PTPRD: variants seen among roughly 807,000 people sequenced by gnomAD.
The protein encoded by PTPRD is protein tyrosine phosphatase receptor type D.
PTPRD carries 34 observed loss-of-function variants against 214.5 expected under a neutral mutation model. The observed-to-expected ratio is 0.16, with a 90% CI of 0.12 to 0.21. The LOEUF (loss-of-function observed/expected upper bound fraction) is 0.21. Among genes scored for constraint, PTPRD ranks in the 10% least tolerant of loss-of-function variants. PTPRD has a pLI of 1.00. For synonymous variants in PTPRD, 1,128 were observed against 845.7 expected (o/e 1.33, Z -5.79); for missense variants, 2,545 against 2,398.7 (o/e 1.06, Z -1.27).
chr9:9,821,104 A>C (rs890991592), intron 5 of PTPRD, among the ~76,000 whole-genome samples: 1 of 152,172 alleles, frequency 6.6e-6, no homozygotes, highest in Non-Finnish European at 1.5e-5. Context: ...ATTTCAATCC[A>C]TGAGCATAAA....
chr9:8,742,936 C>CCATG (rs2092256464), intron 11 of PTPRD, among the ~76,000 whole-genome samples: 1 of 152,028 alleles, frequency 6.6e-6, no homozygotes, highest in Non-Finnish European at 1.5e-5. Context: ...GAAGGGTGAC[C>CCATG]CATGGCACCT....
chr9:10,324,105 C>T (rs1340065221), intron 3 of PTPRD, among the ~76,000 whole-genome samples: 2 of 152,016 alleles, frequency 1.3e-5, no homozygotes, highest in Non-Finnish European at 2.9e-5. Context: ...ATTATAATGT[C>T]TCTCCTCTCA....
chr9:10,086,823 T>G (rs2098346653), intron 3 of PTPRD, among the ~76,000 whole-genome samples: 1 of 151,872 alleles, frequency 6.6e-6, no homozygotes, highest in Non-Finnish European at 1.5e-5. Context: ...AGTTCAAATC[T>G]CTGCTCCACT....
chr9:8,810,948 T>C (rs2154522632), intron 11 of PTPRD, among the ~76,000 whole-genome samples: 1 of 152,280 alleles, frequency 6.6e-6, no homozygotes, highest in South Asian at 2.1e-4. Context: ...TCCACTACAC[T>C]TTCCAACTGT....
intron 8 of PTPRD, among the ~76,000 whole-genome samples, chr9:9,486,400 CA>C (rs2095639541): frequency 6.6e-6 from 1 of 151,842 alleles, no homozygotes; most frequent in South Asian, 2.1e-4. Context: ...TGGACTTTAA[CA>C]AAAAAACAAA....
At chr9:10,285,011 C>T (rs1393815367) in intron 3 of PTPRD, among the ~76,000 whole-genome samples, 1 of 152,130 alleles carries the variant, frequency 6.6e-6, no homozygotes, top group Non-Finnish European at 1.5e-5. Flanking sequence ...TTAATTTTAA[C>T]TGCTATTTTG....
At chr9:8,400,290 T>A (rs1249487897) in intron 36 of PTPRD, among the ~76,000 whole-genome samples, 1 of 152,188 alleles carries the variant, frequency 6.6e-6, no homozygotes, top group Non-Finnish European at 1.5e-5. Context: ...TTGATACCCC[T>A]TGGTCAACAA....
chr9:8,778,355 G>C (rs1565985818), intron 11 of PTPRD, among the ~76,000 whole-genome samples: 1 of 151,956 alleles, frequency 6.6e-6, no homozygotes, highest in Non-Finnish European at 1.5e-5. Context: ...ATTTATCTTA[G>C]GCCTCAAGTC....
At chr9:9,440,497 A>T (rs2087147669) in intron 8 of PTPRD, among the ~76,000 whole-genome samples, 1 of 152,218 alleles carries the variant, frequency 6.6e-6, no homozygotes, top group South Asian at 2.1e-4. Flanking sequence ...ATTTGCAAAA[A>T]AGCAAAGCCA....
At chr9:9,362,515 G>T (rs1223557054) in intron 9 of PTPRD, among the ~76,000 whole-genome samples, 1 of 151,076 alleles carries the variant, frequency 6.6e-6, no homozygotes, top group Non-Finnish European at 1.5e-5. Flanking sequence ...GTACTTCATT[G>T]TCAACATTGT....
At chr9:9,346,300 T>C (rs2048776189) in intron 9 of PTPRD, among the ~76,000 whole-genome samples, 1 of 152,114 alleles carries the variant, frequency 6.6e-6, no homozygotes, top group Non-Finnish European at 1.5e-5. Context: ...TTACAATCAA[T>C]TAGAAATATG....
intron 3 of PTPRD, among the ~76,000 whole-genome samples, chr9:10,048,960 G>A (rs151210284): frequency 1.2e-4 from 18 of 152,112 alleles, no homozygotes; most frequent in African/African-American, 4.1e-4. Flanking sequence ...AGGTATTTGA[G>A]TGATTAGGGA....
intron 14 of PTPRD, among the ~76,000 whole-genome samples, chr9:8,608,660 G>A (rs887400216): frequency 1.1e-4 from 17 of 152,050 alleles, no homozygotes; most frequent in Admixed American, 9.2e-4. Context: ...GAAAATCACG[G>A]CGTTTAGTAC....
At chr9:10,592,859 G>A (rs962302396) in intron 2 of PTPRD, among the ~76,000 whole-genome samples, 4 of 151,864 alleles carry the variant, frequency 2.6e-5, no homozygotes, top group African/African-American at 7.3e-5. Context: ...GAACATGGGC[G>A]GGGACTAATA....
chr9:9,007,800 CT>C (rs35845079), intron 11 of PTPRD, among the ~76,000 whole-genome samples: 191 of 102,656 alleles, frequency 1.9e-3, no homozygotes, highest in African/African-American at 4.8e-3. Context: ...TTGTTTCTTT[CT>C]TTTTTTTTTT....
intron 11 of PTPRD, among the ~76,000 whole-genome samples, chr9:8,867,823 A>G (rs1006203104): frequency 2.6e-5 from 4 of 152,302 alleles, no homozygotes; most frequent in Middle Eastern, 3.4e-3. Context: ...ATGGAAAACA[A>G]TGGGCCTTAA....
chr9:8,762,322 G>A (rs769501976), intron 11 of PTPRD, among the ~76,000 whole-genome samples: 1 of 152,028 alleles, frequency 6.6e-6, no homozygotes, highest in South Asian at 2.1e-4. Context: ...TATAAAAGAA[G>A]CACCCTTATT....
At chr9:10,229,280 G>A (rs2099600023) in intron 3 of PTPRD, among the ~76,000 whole-genome samples, 1 of 152,052 alleles carries the variant, frequency 6.6e-6, no homozygotes, top group South Asian at 2.1e-4. Context: ...CAATCATTGT[G>A]GAAGTCACTG....
intron 7 of PTPRD, among the ~76,000 whole-genome samples, chr9:9,672,960 C>T (rs1013547217): frequency 2.0e-5 from 3 of 151,916 alleles, no homozygotes; most frequent in African/African-American, 2.4e-5. Context: ...GTTATAAAAT[C>T]CCTGTTAACT....
Sources: allele counts gnomAD v4.1 joint callset (sites outside exome capture counted in the v4.1 genomes callset), GRCh38; gene constraint gnomAD v4.1.1; transcripts MANE v1.5; gene names NCBI Gene and HGNC (gene_info 2026-07-23, HGNC 2026-07-21).